Variants in DLGAP1 observed in about 807,000 individuals in gnomAD.
DLGAP1 encodes the protein disks large-associated protein 1.
In DLGAP1, 11 loss-of-function variants were observed where a neutral mutation model predicts 90.8. The ratio of observed to expected loss-of-function variants is 0.12; its 90% CI spans 0.08 to 0.20. The LOEUF (loss-of-function observed/expected upper bound fraction) is 0.20, where lower values mean the gene tolerates loss of function less well. Among genes scored for constraint, DLGAP1 ranks in the 10% least tolerant of loss-of-function variants. The probability of loss-of-function intolerance (pLI) is 1.00; values close to 1 mark genes in which losing one functional copy is unlikely to be tolerated. For synonymous variants in DLGAP1, 558 were observed against 540.7 expected, an observed-to-expected ratio of 1.03 and a Z score of -0.44; for missense variants, 1,050 against 1,333.8, an observed-to-expected ratio of 0.79 and a Z score of 3.31.
At chr18:3,917,161 G>T (rs1281506753) in intron 3 of DLGAP1, among the ~76,000 whole-genome samples, 1 of 152,168 alleles carries the variant, frequency 6.6e-6, no homozygotes, top group South Asian at 2.1e-4. Context: ...ACGGTGTTTG[G>T]TAAGTTAGCT....
At chr18:4,180,220 T>C (rs1028587257) in intron 1 of DLGAP1, among the ~76,000 whole-genome samples, 3 of 151,992 alleles carry the variant, frequency 2.0e-5, no homozygotes, top group African/African-American at 7.2e-5. Flanking sequence ...GAAACAGAGG[T>C]GTTCTTGTTT....
At chr18:3,592,888 G>GAAAAAAAA (rs1472230530) in intron 7 of DLGAP1, among the ~76,000 whole-genome samples, 1 of 44,880 alleles carries the variant, frequency 2.2e-5, no homozygotes, top group African/African-American at 7.6e-5. Context: ...GAAAGAAAAA[G>GAAAAAAAA]AAAAAGAAAA....
At chr18:4,376,748 A>G (rs911168425) in intron 1 of DLGAP1, among the ~76,000 whole-genome samples, 1 of 152,168 alleles carries the variant, frequency 6.6e-6, no homozygotes, top group African/African-American at 2.4e-5. Flanking sequence ...TTCTCTCTGT[A>G]AATCCTCGGT....
chr18:3,872,547 T>C (rs2070818647), intron 4 of DLGAP1, among the ~76,000 whole-genome samples: 1 of 152,186 alleles, frequency 6.6e-6, no homozygotes, highest in South Asian at 2.1e-4. Context: ...AGACAGATTG[T>C]TGTCTTTGAA....
intron 5 of DLGAP1, among the ~76,000 whole-genome samples, chr18:3,774,044 A>G (rs1341186703): frequency 1.3e-5 from 2 of 151,860 alleles, no homozygotes; most frequent in Non-Finnish European, 2.9e-5. Context: ...CCTTCCTCCT[A>G]CTTAATAGGA....
intron 4 of DLGAP1, among the ~76,000 whole-genome samples, chr18:3,843,170 A>G (rs2068817009): frequency 1.3e-5 from 2 of 152,334 alleles, no homozygotes; most frequent in South Asian, 4.1e-4. Flanking sequence ...GATATTCTCT[A>G]TTAATTAACT....
chr18:3,989,778 A>G (rs1599278353), intron 3 of DLGAP1, among the ~76,000 whole-genome samples: 2 of 152,322 alleles, frequency 1.3e-5, no homozygotes, highest in Admixed American at 1.3e-4. Context: ...ACTCAAACAA[A>G]TTTACAAGAA....
chr18:4,064,257 T>C lies in DLGAP1; in HGVS notation c.-158-59056A>G, dbSNP rs540767083. ...AGTTCTTATCACAAAACTATATATA[T>C]ATGTAGATCAAAAATAAAATTCTAA... On this transcript the variant is annotated intron_variant, in intron 2 of 12. Coordinates refer to ENST00000315677, the MANE Select transcript of DLGAP1 (RefSeq NM_004746.4). 2.6e-5 allele frequency among the ~76,000 whole-genome samples: 4 copies of C among 152,046 alleles called. No individual in the cohort carries two copies. The East Asian group carries it at 5.8e-4, about 22-fold the overall frequency.
chr18:3,649,843 C>T (rs973645582), intron 7 of DLGAP1, among the ~76,000 whole-genome samples: 3 of 151,998 alleles, frequency 2.0e-5, no homozygotes, highest in African/African-American at 7.3e-5. Context: ...GAGATGAGGT[C>T]AATGGTTGGT....
chr18:4,340,726 CACAA>C (rs1237210573), intron 1 of DLGAP1, among the ~76,000 whole-genome samples: 1 of 152,096 alleles, frequency 6.6e-6, no homozygotes, highest in African/African-American at 2.4e-5. Context: ...CTTTCTCTCT[CACAA>C]ACAGATTTAG....
Position 4,369,733 on chromosome 18 carries a change from T to C in DLGAP1, c.-267+85273A>G, listed in dbSNP as rs2081871050. Among the ~76,000 whole-genome samples, 3 of 147,704 alleles carry C rather than the reference T, an allele frequency of 2.0e-5. No individual in the cohort carries two copies. In the Admixed American group the frequency reaches 2.1e-4, roughly 10 times the overall value. Reference sequence around the variant, plus strand: ...AGAGTGTGTGAATGTGGCTGGGGGATTAGTGAATGTGTTTAGGGAGGAATT... The same window carrying C: ...AGAGTGTGTGAATGTGGCTGGGGGACTAGTGAATGTGTTTAGGGAGGAATT... On this transcript the variant is annotated intron_variant, in intron 1 of 12. Coordinates refer to ENST00000315677, the MANE Select transcript of DLGAP1 (RefSeq NM_004746.4).
chr18:3,888,170 G>T (rs924950757), intron 3 of DLGAP1, among the ~76,000 whole-genome samples: 61 of 148,600 alleles, frequency 4.1e-4, no homozygotes, highest in African/African-American at 1.4e-3. Flanking sequence ...GTGAGAATGT[G>T]AGTTAACATT....
intron 7 of DLGAP1, among the ~76,000 whole-genome samples, chr18:3,582,818 G>A (rs1285095235): frequency 6.6e-6 from 1 of 151,442 alleles, no homozygotes; most frequent in East Asian, 1.9e-4. Flanking sequence ...ATCGAAGCCA[G>A]TTCCTTCCTT....
At chr18:4,127,156 T>C (rs908676718) in intron 2 of DLGAP1, among the ~76,000 whole-genome samples, 1 of 152,192 alleles carries the variant, frequency 6.6e-6, no homozygotes, top group Non-Finnish European at 1.5e-5. Flanking sequence ...AAGGTGGCAG[T>C]TCTGAACATC....
At chr18:3,897,671 A>C (rs2071660382) in intron 3 of DLGAP1, among the ~76,000 whole-genome samples, 1 of 152,222 alleles carries the variant, frequency 6.6e-6, no homozygotes, top group African/African-American at 2.4e-5. Context: ...TTTTACAAAA[A>C]CATTGGCTTA....
intron 2 of DLGAP1, among the ~76,000 whole-genome samples, chr18:4,101,079 A>G (rs11874525): frequency 0.013 from 1,920 of 152,224 alleles, 42 homozygotes; most frequent in African/African-American, 0.044. Flanking sequence ...CTTCCTTTGC[A>G]TTCACAACTT....
In DLGAP1 at chr18:4,195,943, C is replaced by T. The variant is rs541351275; in HGVS notation, c.-266-44656G>A. On this transcript the variant is annotated intron_variant, in intron 1 of 12. Transcript: ENST00000315677. ...AGATAAACCTTAGGAATAAGAAAAACAGGGCACAGATAATCCAGTCTGCTG... is the reference window on the plus strand; with the variant it reads ...AGATAAACCTTAGGAATAAGAAAAATAGGGCACAGATAATCCAGTCTGCTG... Among the ~76,000 whole-genome samples the T allele has an allele frequency of 5.3e-5, 8 of 152,272 alleles. No individual in the cohort carries two copies. In the South Asian group the frequency reaches 1.4e-3, roughly 28 times the overall value.
intron 1 of DLGAP1, among the ~76,000 whole-genome samples, chr18:4,257,629 T>C (rs2078915971): frequency 6.6e-6 from 1 of 151,424 alleles, no homozygotes; most frequent in Admixed American, 6.6e-5. Context: ...TCTTTTCCTT[T>C]CTTTTTTTTT....
At chr18:4,249,628 C>T (rs2078736561) in intron 1 of DLGAP1, among the ~76,000 whole-genome samples, 1 of 152,106 alleles carries the variant, frequency 6.6e-6, no homozygotes, top group Admixed American at 6.6e-5. Flanking sequence ...CACTCAATTG[C>T]CTAGGCTGGT....
Sources: gnomAD v4.1 joint callset for allele counts (sites outside exome capture counted in the v4.1 genomes callset) on GRCh38, gnomAD v4.1.1 for gene constraint, MANE v1.5 for transcripts, NCBI Gene and HGNC (gene_info 2026-07-23, HGNC 2026-07-21) for gene names.